Variants in CFTR observed in about 807,000 individuals in gnomAD.
CFTR encodes the protein CF transmembrane conductance regulator, also known as cystic fibrosis transmembrane conductance regulator.
A neutral mutation model predicts 171.6 loss-of-function variants in CFTR; 181 were observed. The ratio of observed to expected loss-of-function variants is 1.05; its 90% CI spans 0.93 to 1.19. The LOEUF is 1.19. CFTR is among the 50% of genes most tolerant of loss of function. CFTR has a pLI of 0.00. For missense variants in CFTR, 1,968 were observed against 1,734.7 expected (o/e 1.13, Z -2.39); for synonymous variants, 583 against 608.0 (o/e 0.96, Z 0.60).
At chr7:117,656,959 C>T (rs1235243807) in intron 24 of CFTR, among the ~76,000 whole-genome samples, 1 of 152,152 alleles carries the variant, frequency 6.6e-6, no homozygotes, top group Non-Finnish European at 1.5e-5. Context: ...ATAAAATGTA[C>T]TTAGATTAAC....
intron 22 of CFTR, among the ~76,000 whole-genome samples, chr7:117,632,200 T>C (rs1233956002): frequency 6.6e-6 from 1 of 152,132 alleles, no homozygotes; most frequent in East Asian, 1.9e-4. Flanking sequence ...GAACGGGGTC[T>C]GAGTTTCAGC....
intron 21 of CFTR, among the ~76,000 whole-genome samples, chr7:117,623,162 T>C (rs1792606203): frequency 6.6e-6 from 1 of 152,232 alleles, no homozygotes; most frequent in African/African-American, 2.4e-5. Context: ...GCACAACTTA[T>C]GTCAAGTATT....
At chr7:117,549,346 G>T (rs1317383957) in intron 10 of CFTR, among the ~76,000 whole-genome samples, 1 of 152,078 alleles carries the variant, frequency 6.6e-6, no homozygotes, top group African/African-American at 2.4e-5. Flanking sequence ...TTTATTCAGT[G>T]GTCATCCTCT....
chr7:117,489,718 A>G (rs1798126127), intron 1 of CFTR, among the ~76,000 whole-genome samples: 1 of 151,878 alleles, frequency 6.6e-6, no homozygotes, highest in Non-Finnish European at 1.5e-5. Flanking sequence ...GCTTTCCTAC[A>G]TAGTGAATAC....
In CFTR at chr7:117,610,665, T is replaced by G. The variant is rs1792370935; in HGVS notation, c.3135T>G (p.Ser1045=). 5 of 1,613,332 alleles carry G rather than the reference T, an allele frequency of 3.1e-6. No individual in the cohort carries two copies. In the East Asian group the frequency reaches 1.1e-4, roughly 36 times the overall value. The change falls in exon 19 of 27, where the codon TCT becomes TCG. Residue 1045 remains serine (S), a synonymous_variant. Coordinates refer to ENST00000003084, the MANE Select transcript of CFTR (RefSeq NM_000492.4). ...QTSQQLKQLE[S]EGRSPIFTHL... ...CACAGCAACTCAAACAACTGGAATC[T>G]GAAGGTATGACAGTGAATGTGCGAT... is the stretch of plus-strand genomic sequence containing the variant.
chr7:117,538,913 G>T (rs529191906), intron 7 of CFTR, among the ~76,000 whole-genome samples: 1 of 152,274 alleles, frequency 6.6e-6, no homozygotes, highest in African/African-American at 2.4e-5. Flanking sequence ...TCATCAATGT[G>T]CTCAGATTAC....
At chr7:117,625,927 T>A (rs1201481978) in intron 21 of CFTR, among the ~76,000 whole-genome samples, 1 of 152,122 alleles carries the variant, frequency 6.6e-6, no homozygotes, top group Non-Finnish European at 1.5e-5. Context: ...TGAAAGTAAC[T>A]CATAATTCAG....
rs1197735597 is a variant in CFTR at position 117,612,044 on chromosome 7, TATATATATAC to T, written c.3367+246_3367+255del. ...ATATGTATATATATATATATATATA[TATATATATAC>T]ATATATATATATAGTATTATCCCTG... On this transcript the variant is annotated intron_variant, in intron 20 of 26. Coordinates refer to ENST00000003084, the MANE Select transcript of CFTR (RefSeq NM_000492.4). Among the ~76,000 whole-genome samples, 599 of 75,838 alleles carry T rather than the reference TATATATATAC, an allele frequency of 7.9e-3. 6 individuals are homozygous for T. The highest frequency in any genetic ancestry group is 9.2e-3 in the Non-Finnish European group (340 of 37,036). 49.8% of individuals were successfully genotyped at this position (75,838 alleles called of 152,430 possible).
At chr7:117,652,969 C>A in intron 24 of CFTR, 38 bp downstream of exon 24, 1 of 1,186,892 alleles carries the variant, frequency 8.4e-7, no homozygotes, top group Non-Finnish European at 1.3e-6. Context: ...AAAGGGGTAA[C>A]TCATACCAAC....
chr7:117,621,562 A>G (rs923344004), intron 21 of CFTR, among the ~76,000 whole-genome samples: 1 of 152,194 alleles, frequency 6.6e-6, no homozygotes, highest in East Asian at 1.9e-4. Context: ...GTCCTGTATC[A>G]ATCAATGATA....
intron 1 of CFTR, among the ~76,000 whole-genome samples, chr7:117,486,627 T>C (rs1476054412): frequency 6.6e-6 from 1 of 151,960 alleles, no homozygotes; most frequent in African/African-American, 2.4e-5. Context: ...CAAAATATCC[T>C]GAGAAGTTCC....
chr7:117,603,874 G>A (rs1201880333), intron 17 of CFTR, 92 bp downstream of exon 17: 2 of 1,387,670 alleles, frequency 1.4e-6, no homozygotes, highest in East Asian at 4.6e-5. Flanking sequence ...GCTGGCTTTT[G>A]CACAGAGGCA....
chr7:117,643,538 T>A (rs1792951458), intron 23 of CFTR, among the ~76,000 whole-genome samples: 2 of 152,196 alleles, frequency 1.3e-5, no homozygotes, highest in African/African-American at 4.8e-5. Context: ...TTGTAACTGC[T>A]CAACTGGTGC....
chr7:117,485,937 A>G (rs1022482978), intron 1 of CFTR, among the ~76,000 whole-genome samples: 2 of 152,096 alleles, frequency 1.3e-5, no homozygotes, highest in African/African-American at 4.8e-5. Context: ...ATGGTGATCA[A>G]CCCTAGAGAC....
rs114995757 is a variant in CFTR at position 117,524,090 on chromosome 7, G to A, written c.274-6809G>A. Among the ~76,000 whole-genome samples the A allele has an allele frequency of 4.9e-3, 751 of 152,050 alleles. 7 individuals carry two copies. Among genetic ancestry groups the A allele is most frequent in the African/African-American group, 0.017 (695 of 41,462 alleles). ...TCTATCCAGTCTTTCTGTATTTATC[G>A]TATGTCTGTATAGATATATATTAGC... On this transcript the variant is annotated intron_variant, in intron 3 of 26. Transcript: ENST00000003084.
At chr7:117,651,382 A>G (rs1283717656) in intron 23 of CFTR, among the ~76,000 whole-genome samples, 1 of 152,218 alleles carries the variant, frequency 6.6e-6, no homozygotes, top group Non-Finnish European at 1.5e-5. Flanking sequence ...TGCTTAAATA[A>G]TGAACTGACT....
intron 1 of CFTR, among the ~76,000 whole-genome samples, chr7:117,489,785 A>G (rs1798127595): frequency 6.6e-6 from 1 of 151,838 alleles, no homozygotes; most frequent in Non-Finnish European, 1.5e-5. Flanking sequence ...GCTAAAATTA[A>G]CATATAGTCC....
At chr7:117,627,791 G>C (rs1256858193) in intron 22 of CFTR, 21 bp downstream of exon 22, 1 of 1,606,790 alleles carries the variant, frequency 6.2e-7, no homozygotes, top group Admixed American at 1.7e-5. Flanking sequence ...AACACTGCTT[G>C]CTTTGTTAGA....
At chr7:117,596,333 C>T (rs544768330) in intron 15 of CFTR, among the ~76,000 whole-genome samples, 2 of 152,348 alleles carry the variant, frequency 1.3e-5, no homozygotes, top group South Asian at 4.1e-4. Flanking sequence ...CCTTAGCTGC[C>T]TCCCTGCGGG....
Sources: gnomAD v4.1 joint callset for allele counts (sites outside exome capture counted in the v4.1 genomes callset) on GRCh38, gnomAD v4.1.1 for gene constraint, MANE v1.5 for transcripts, NCBI Gene and HGNC (gene_info 2026-07-23, HGNC 2026-07-21) for gene names.